MAP4K4: variants seen among roughly 807,000 people sequenced by gnomAD.
MAP4K4 encodes the protein mitogen-activated protein kinase kinase kinase kinase 4.
A neutral mutation model predicts 189.6 loss-of-function variants in MAP4K4; 38 were observed. That is an observed-to-expected ratio of 0.20 (90% CI 0.15 to 0.26). The LOEUF (loss-of-function observed/expected upper bound fraction) is 0.26, where lower values mean the gene tolerates loss of function less well. MAP4K4 is among the 10% of genes least tolerant of loss of function. MAP4K4 has a pLI of 1.00. For synonymous variants in MAP4K4, 610 were observed against 624.3 expected, an observed-to-expected ratio of 0.98 and a Z score of 0.34; for missense variants, 1,054 against 1,726.9, an observed-to-expected ratio of 0.61 and a Z score of 6.91.
intron 2 of MAP4K4, among the ~76,000 whole-genome samples, chr2:101,708,103 C>T (rs1187566962): frequency 6.6e-6 from 1 of 152,144 alleles, no homozygotes. Flanking sequence ...TCTGACCATC[C>T]ACTTTTTAGC....
intron 12 of MAP4K4, among the ~76,000 whole-genome samples, chr2:101,849,468 C>T (rs186414216): frequency 6.6e-6 from 1 of 152,102 alleles, no homozygotes; most frequent in East Asian, 1.9e-4. Context: ...AGAGCATCAT[C>T]ACATCTTTGG....
Position 101,852,312 on chromosome 2 carries a change from C to T in MAP4K4, c.1234-3665C>T, listed in dbSNP as rs142438488. On this transcript the variant is annotated intron_variant, in intron 12 of 32. Coordinates refer to ENST00000324219, the Ensembl canonical transcript of MAP4K4. ...GTCTGTCATCACTCTAAATGCTAAGCGTTGGGTAAATTCACAGCAGTTTCT... is the reference window on the plus strand; with the variant it reads ...GTCTGTCATCACTCTAAATGCTAAGTGTTGGGTAAATTCACAGCAGTTTCT... Among the ~76,000 whole-genome samples the T allele has an allele frequency of 3.2e-3, 492 of 152,044 alleles. 2 individuals carry two copies. The highest frequency in any genetic ancestry group is 0.011 in the African/African-American group (459 of 41,466).
intron 2 of MAP4K4, among the ~76,000 whole-genome samples, chr2:101,745,972 T>TTGTGTGTGTGTGTGTGTGTGTG: frequency 6.8e-6 from 1 of 146,496 alleles, no homozygotes; most frequent in East Asian, 2.0e-4. Context: ...CCTGTTTCCT[T>TTGTGTGTGTGTGTGTGTGTGTG]TGTGTGTGTG....
intron 29 of MAP4K4, among the ~76,000 whole-genome samples, chr2:101,885,946 T>A (rs904849675): frequency 6.6e-6 from 1 of 152,222 alleles, no homozygotes; most frequent in Non-Finnish European, 1.5e-5. Flanking sequence ...CAAATATACC[T>A]CACATTGCCT....
At chr2:101,784,191 CA>C (rs1310490234) in intron 2 of MAP4K4, among the ~76,000 whole-genome samples, 1 of 151,990 alleles carries the variant, frequency 6.6e-6, no homozygotes, top group Non-Finnish European at 1.5e-5. Context: ...GAAAGCAGAG[CA>C]ATTGGTTTCA....
intron 2 of MAP4K4, among the ~76,000 whole-genome samples, chr2:101,753,423 G>T (rs960815956): frequency 6.6e-6 from 1 of 152,110 alleles, no homozygotes; most frequent in African/African-American, 2.4e-5. Context: ...CATTCTCATT[G>T]TGCTGCTTGC....
At chr2:101,777,435 A>C (rs913191685) in intron 2 of MAP4K4, among the ~76,000 whole-genome samples, 5 of 152,212 alleles carry the variant, frequency 3.3e-5, no homozygotes, top group African/African-American at 1.2e-4. Flanking sequence ...GAGCTAGCGT[A>C]TCCCACCTTC....
At chr2:101,869,430 T>C (rs866159006) in intron 21 of MAP4K4, among the ~76,000 whole-genome samples, 192 bp from the exon 22 acceptor site, 7 of 152,006 alleles carry the variant, frequency 4.6e-5, no homozygotes, top group South Asian at 2.1e-4. Flanking sequence ...TATTTTTTTT[T>C]TTTAATCTCT....
At chr2:101,866,192 T>A (rs2097804481) in intron 18 of MAP4K4, among the ~76,000 whole-genome samples, 1 of 152,228 alleles carries the variant, frequency 6.6e-6, no homozygotes, top group African/African-American at 2.4e-5. Context: ...CACCTGATGA[T>A]TTTAGATCTA....
Position 101,864,062 on chromosome 2 carries a change from G to C in MAP4K4, c.2097+11G>C. ...GAGGTGCCTCCAAGGGTAAGGAGCA[G>C]AAAGACAGATGTGTGCTGCTTTTTT... On this transcript the variant is annotated intron_variant, in intron 17 of 32. Transcript: ENST00000324219. 3.0e-6 allele frequency: 4 copies of C among 1,326,066 alleles called. No individual in the cohort carries two copies. The highest frequency in any genetic ancestry group is 4.0e-6 in the Non-Finnish European group (4 of 989,918). The allele number at this position is 1,326,066 out of a possible 1,614,324, so 82.1% of individuals were successfully genotyped here.
At chr2:101,825,381 C>T (rs2096301676) in exon 5 of MAP4K4, 9 of 1,613,560 alleles carry the variant, frequency 5.6e-6, no homozygotes, top group East Asian at 2.2e-5. Flanking sequence ...CCAAAGGGAA[C>T]ACACTCAAAG....
chr2:101,835,664 A>G (rs558584147), intron 8 of MAP4K4, among the ~76,000 whole-genome samples: 1 of 152,282 alleles, frequency 6.6e-6, no homozygotes, highest in Non-Finnish European at 1.5e-5. Context: ...AAACTTTCCA[A>G]TGTCTTTTTG....
intron 14 of MAP4K4, 80 bp downstream of exon 14, chr2:101,859,162 A>C: frequency 1.5e-6 from 2 of 1,337,408 alleles, no homozygotes; most frequent in Non-Finnish European, 2.1e-6. Context: ...TGTGGTGGTC[A>C]CCAGACCATT....
intron 3 of MAP4K4, among the ~76,000 whole-genome samples, chr2:101,812,712 A>C (rs149665442): frequency 6.6e-6 from 1 of 152,184 alleles, no homozygotes; most frequent in Non-Finnish European, 1.5e-5. Flanking sequence ...CAGTGTGCTT[A>C]TGGTGCTGGA....
At position 101,869,798 on chromosome 2, in the gene MAP4K4, G is replaced by A; in HGVS notation, c.2639+1G>A. ...CAGGACCAGAGGACACCAGAGCAGC[G>A]TCAGTCCCCGGTCTCTTTTAGAGCG... is the stretch of plus-strand genomic sequence containing the variant. On this transcript the variant is annotated splice_donor_variant, in intron 22 of 32. Transcript: ENST00000324219. LOFTEE classifies it high-confidence loss of function. 1 of 1,548,088 alleles carries A rather than the reference G, an allele frequency of 6.5e-7. No homozygotes were observed. Among genetic ancestry groups the A allele is most frequent in the Non-Finnish European group, 8.7e-7 (1 of 1,146,070 alleles).
At chr2:101,723,377 G>C (rs1007216772) in intron 2 of MAP4K4, among the ~76,000 whole-genome samples, 5 of 152,226 alleles carry the variant, frequency 3.3e-5, no homozygotes, top group African/African-American at 1.2e-4. Flanking sequence ...GAGAGTTGCT[G>C]AAGATGTTTA....
At chr2:101,706,539 T>G (rs1048274165) in intron 2 of MAP4K4, among the ~76,000 whole-genome samples, 1 of 152,220 alleles carries the variant, frequency 6.6e-6, no homozygotes, top group African/African-American at 2.4e-5. Flanking sequence ...TCAGATACCC[T>G]AAAAGGTATA....
intron 2 of MAP4K4, among the ~76,000 whole-genome samples, chr2:101,725,856 TG>T (rs2055023552): frequency 6.6e-6 from 1 of 152,262 alleles, no homozygotes; most frequent in South Asian, 2.1e-4. Context: ...GGGCAGGCTC[TG>T]TAGTTGATGT....
chr2:101,743,023 T>A (rs2063540422), intron 2 of MAP4K4, among the ~76,000 whole-genome samples: 1 of 152,170 alleles, frequency 6.6e-6, no homozygotes, highest in South Asian at 2.1e-4. Flanking sequence ...ATAAATCTGT[T>A]TATATTCAGT....
Sources: gnomAD v4.1 joint callset for allele counts (sites outside exome capture counted in the v4.1 genomes callset) on GRCh38, gnomAD v4.1.1 for gene constraint, MANE v1.5 for transcripts, NCBI Gene and HGNC (gene_info 2026-07-23, HGNC 2026-07-21) for gene names.